The following NEK9 variants were observed in gnomAD, a reference collection of about 807,000 sequenced individuals.
The protein encoded by NEK9 is NIMA related kinase 9.
NEK9 carries 75 observed loss-of-function variants against 123.4 expected under a neutral mutation model. The ratio of observed to expected loss-of-function variants is 0.61; its 90% CI spans 0.50 to 0.74. The LOEUF is 0.74. Among genes scored for constraint, NEK9 ranks in the 30% least tolerant of loss-of-function variants. The pLI, the probability that NEK9 is intolerant of heterozygous loss-of-function variation, is 0.00. For synonymous variants in NEK9, 438 were observed against 458.7 expected (o/e 0.95, Z 0.58); for missense variants, 952 against 1,214.4 (o/e 0.78, Z 3.21).
intron 13 of NEK9, 64 bp from the exon 14 acceptor site, chr14:75,104,061 C>T: frequency 6.8e-7 from 1 of 1,469,430 alleles, no homozygotes; most frequent in South Asian, 1.3e-5. Context: ...AAAAAGCTCT[C>T]AAATTCTTTC....
At chr14:75,121,586 C>T (rs765161611) in intron 2 of NEK9, among the ~76,000 whole-genome samples, 11 of 152,206 alleles carry the variant, frequency 7.2e-5, no homozygotes, top group Admixed American at 5.9e-4. Context: ...CATTGGCTCA[C>T]GCCTATAATC....
At chr14:75,087,743 G>T (rs1200991554) in intron 20 of NEK9, among the ~76,000 whole-genome samples, 1 of 152,218 alleles carries the variant, frequency 6.6e-6, no homozygotes, top group East Asian at 1.9e-4. Flanking sequence ...TACCTCTTCT[G>T]GGAAGCTTTC....
chr14:75,121,103 C>G lies in NEK9; in HGVS notation c.453+16G>C. ...ACACTACAATTCTAACTTCCTTCCACAGAAATATGAATTACCTCTTCCTCA... is the reference window on the plus strand; with the variant it reads ...ACACTACAATTCTAACTTCCTTCCAGAGAAATATGAATTACCTCTTCCTCA... On this transcript the variant is annotated intron_variant, in intron 3 of 21. Coordinates refer to ENST00000238616, the MANE Select transcript of NEK9 (RefSeq NM_033116.6). 3 of 1,597,844 alleles carry G rather than the reference C, an allele frequency of 1.9e-6. No homozygotes were observed.
Position 75,126,736 on chromosome 14 carries a change from G to A in NEK9, c.186C>T (p.Ala62=). 2.7e-6 allele frequency: 4 copies of A among 1,487,880 alleles called. No homozygotes were observed. Among genetic ancestry groups the A allele is most frequent in the African/African-American group, 2.9e-5 (2 of 68,366 alleles). 92.2% of individuals were successfully genotyped at this position (1,487,880 alleles called of 1,614,324 possible). ...GGCGGTACAGCGTGGCTTCCCCGAA[G>A]GCGCCGCGGCCCAGGACGCGGATGG... The part of the protein sequence containing the change: ...YIPIRVLGRG[A]FGEATLYRRT... Residue 62 remains alanine, a synonymous_variant, in exon 1 of 22, where the codon GCC becomes GCT. Coordinates refer to ENST00000238616, the MANE Select transcript of NEK9 (RefSeq NM_033116.6).
chr14:75,122,199 T>C (rs1176643718), intron 2 of NEK9, among the ~76,000 whole-genome samples: 3 of 151,784 alleles, frequency 2.0e-5, no homozygotes, highest in Admixed American at 2.0e-4. Context: ...TCAATAAATG[T>C]ATCATTTGTT....
At chr14:75,110,235 C>T (rs537488810) in intron 9 of NEK9, 86 bp downstream of exon 9, 80 of 1,003,276 alleles carry the variant, frequency 8.0e-5, no homozygotes, top group Non-Finnish European at 1.1e-4. Context: ...AAAGTATCCT[C>T]GGATCAAATA....
chr14:75,101,084 C>A lies in NEK9; in HGVS notation c.1910G>T (p.Arg637Leu). The A allele has an allele frequency of 6.2e-7, 1 of 1,614,254 alleles. No individual in the cohort carries two copies. The highest frequency in any genetic ancestry group is 8.5e-7 in the Non-Finnish European group (1 of 1,180,038). The change falls in exon 16 of 22, where the codon CGT becomes CTT. Residue 637 changes from arginine (R) to leucine (L), a missense_variant. Arg to Leu is a moderately radical substitution (Grantham distance 102). Around this residue, in one of 4 missense-constraint regions of NEK9, gnomAD observed 698 missense variants for 875.6 expected, o/e 0.80. Transcript: ENST00000238616. ...TCCCCCCAACAGGTTGATTCCCAGA[C>A]GCTTCTTGTAGTTCCCAACGCCCAG... ...GQLGVGNYKK[R>L]LGINLLGGPL...
chr14:75,113,319 G>A lies in NEK9; in HGVS notation c.938+20C>T. On this transcript the variant is annotated intron_variant, in intron 8 of 21. Coordinates refer to ENST00000238616, the MANE Select transcript of NEK9 (RefSeq NM_033116.6). ...CAACTATCTCAGAAAAGACAATGGA[G>A]TGACTTCTTCATAATTTACCTCCTG... The A allele has an allele frequency of 6.3e-7, 1 of 1,593,420 alleles. No homozygotes were observed. Among genetic ancestry groups the A allele is most frequent in the Non-Finnish European group, 8.6e-7 (1 of 1,161,872 alleles).
intron 19 of NEK9, 27 bp from the exon 20 acceptor site, chr14:75,088,668 A>C: frequency 6.2e-7 from 1 of 1,602,226 alleles, no homozygotes; most frequent in South Asian, 1.1e-5. Flanking sequence ...GAATCTCATT[A>C]GTCTGTTTGC....
At position 75,097,251 on chromosome 14, in the gene NEK9, C is replaced by A; in HGVS notation, c.2022G>T (p.Trp674Cys). 1 of 1,600,316 alleles carries A rather than the reference C, an allele frequency of 6.2e-7. No homozygotes were observed. Among genetic ancestry groups the A allele is most frequent in the Non-Finnish European group, 8.5e-7 (1 of 1,173,568 alleles). The part of the protein sequence containing the change: ...AATDDNHIFA[W>C]GNGGNGRLAM... ...CCAGGCGGCCATTACCACCATTGCC[C>A]CAGGCAAAAATGTGATTATCTAGGA... is the stretch of plus-strand genomic sequence containing the variant. The change falls in exon 17 of 22, where the codon TGG (tryptophan) becomes TGT (cysteine). Residue 674 changes from tryptophan (W) to cysteine (C), a missense_variant. Physicochemically the swap from Trp to Cys is radical, Grantham distance 215. Transcript: ENST00000238616.
chr14:75,082,740 A>G lies in NEK9; in HGVS notation c.*1824T>C, dbSNP rs948966869. On this transcript the variant is annotated 3_prime_UTR_variant, in exon 22 of 22. Transcript: ENST00000238616. ...CTGACCCAGCCTCTCAGGCCTGCTGAGATGATGAGCATGAGGATACAGGGA... is the reference window on the plus strand; with the variant it reads ...CTGACCCAGCCTCTCAGGCCTGCTGGGATGATGAGCATGAGGATACAGGGA... 3 of 369,206 alleles carry G rather than the reference A, an allele frequency of 8.1e-6. No individual in the cohort carries two copies. Among genetic ancestry groups the G allele is most frequent in the African/African-American group, 6.2e-5 (3 of 48,190 alleles). 22.9% of individuals were successfully genotyped at this position (369,206 alleles called of 1,614,324 possible).
At chr14:75,119,016 A>G in intron 4 of NEK9, 81 bp from the exon 5 acceptor site, 1 of 834,808 alleles carries the variant, frequency 1.2e-6, no homozygotes, top group Non-Finnish European at 2.0e-6. Flanking sequence ...GGATTATTAC[A>G]GAATAAAAAT....
Position 75,084,023 on chromosome 14 carries a change from C to T in NEK9, c.*541G>A, listed in dbSNP as rs1246245108. On this transcript the variant is annotated 3_prime_UTR_variant, in exon 22 of 22. Coordinates refer to ENST00000238616, the MANE Select transcript of NEK9 (RefSeq NM_033116.6). ...TTTTTCGAAACAAGCCCTAGATTGA[C>T]TCCATCAGACATATTTTCCTGGACT... is the stretch of plus-strand genomic sequence containing the variant. 6.4e-6 allele frequency: 1 copy of T among 155,458 alleles called. No individual in the cohort carries two copies. Among genetic ancestry groups the T allele is most frequent in the Non-Finnish European group, 1.4e-5 (1 of 70,014 alleles). 9.6% of individuals were successfully genotyped at this position (155,458 alleles called of 1,614,324 possible).
intron 20 of NEK9, among the ~76,000 whole-genome samples, chr14:75,087,626 T>C (rs776353102): frequency 6.6e-6 from 1 of 152,360 alleles, no homozygotes; most frequent in South Asian, 2.1e-4. Flanking sequence ...AATCACACTT[T>C]AGAAAAGATC....
At chr14:75,104,308 G>T (rs1399880461) in intron 13 of NEK9, among the ~76,000 whole-genome samples, 1 of 151,696 alleles carries the variant, frequency 6.6e-6, no homozygotes, top group African/African-American at 2.4e-5. Context: ...TGGGATGACA[G>T]GTGCATGCCA....
chr14:75,084,805 T>C, intron 21 of NEK9, 119 bp from the exon 22 acceptor site: 1 of 1,275,226 alleles, frequency 7.8e-7, no homozygotes, highest in Non-Finnish European at 1.1e-6. Flanking sequence ...GCTAAGGATT[T>C]GTAGCCACGA....
Position 75,101,020 on chromosome 14 carries a change from A to G in NEK9, c.1974T>C (p.Gly658=), listed in dbSNP as rs1594833307. The change falls in exon 16 of 22, where the codon GGT becomes GGC. Residue 658 remains glycine, a synonymous_variant. Transcript: ENST00000238616. The part of the protein sequence containing the change: ...GGKQVIRVSC[G]DEFTIAATDD... ...CAGTGGCAGCAATGGTAAACTCATC[A>G]CCGCAGGAGACCCTGATCACTTGCT... is the stretch of plus-strand genomic sequence containing the variant. The G allele has an allele frequency of 6.8e-6, 11 of 1,614,064 alleles. No homozygotes were observed. The highest frequency in any genetic ancestry group is 2.7e-5 in the African/African-American group (2 of 74,948).
At chr14:75,121,031 C>T in intron 3 of NEK9, 88 bp downstream of exon 3, 2 of 1,092,976 alleles carry the variant, frequency 1.8e-6, no homozygotes, top group Non-Finnish European at 2.8e-6. Flanking sequence ...AAAAAACACT[C>T]TTCACTATTG....
intron 16 of NEK9, among the ~76,000 whole-genome samples, chr14:75,100,475 C>T (rs2010678): frequency 0.46 from 69,518 of 151,964 alleles, 16,999 homozygotes; most frequent in East Asian, 0.84. Flanking sequence ...ACAAAAAAAT[C>T]GTCTCAGAGA....
Sources: gnomAD v4.1 joint callset for allele counts (sites outside exome capture counted in the v4.1 genomes callset) on GRCh38, gnomAD v4.1.1 for gene constraint, gnomAD v4.1.1 regional missense constraint, MANE v1.5 for transcripts, NCBI Gene and HGNC (gene_info 2026-07-23, HGNC 2026-07-21) for gene names.